The following PER2 variants were observed in gnomAD, a reference collection of about 807,000 sequenced individuals.
The protein encoded by PER2 is period circadian regulator 2.
PER2 carries 66 observed loss-of-function variants against 121.0 expected under a neutral mutation model. The ratio of observed to expected loss-of-function variants is 0.55; its 90% confidence interval spans 0.45 to 0.67. The LOEUF (loss-of-function observed/expected upper bound fraction) is 0.67, where lower values mean the gene tolerates loss of function less well. Among genes scored for constraint, PER2 ranks in the 30% least tolerant of loss-of-function variants. PER2 has a pLI of 0.00. For synonymous variants in PER2, 684 were observed against 659.9 expected (o/e 1.04, Z -0.56); for missense variants, 1,521 against 1,635.0 (o/e 0.93, Z 1.20).
upstream of PER2, among the ~76,000 whole-genome samples, chr2:238,293,767 A>AG (rs993185675): frequency 1.3e-4 from 19 of 151,960 alleles, no homozygotes; most frequent in Admixed American, 3.3e-4. Context: ...AAGAAAAAAA[A>AG]GAAAGAAAAA....
At position 238,257,017 on chromosome 2, in the gene PER2, G is replaced by T. The variant is rs760519574; in HGVS notation, c.1970C>A (p.Pro657Gln). ...CGACGCCACACTCTCTGCCTTGCCC[G>T]GCAGTGCCAGCGAGGTCAGGTGCGT... Reference protein sequence around the residue: ...VGTHLTSLALPGKAESVASLT... With the variant: ...VGTHLTSLALQGKAESVASLT... The change falls in exon 17 of 23, where the codon CCG becomes CAG. Residue 657 changes from proline (P) to glutamine (Q), a missense_variant. Pro to Gln is a moderately conservative substitution (Grantham distance 76). Coordinates refer to ENST00000254657, the MANE Select transcript of PER2 (RefSeq NM_022817.3). 2 of 1,613,554 alleles carry T rather than the reference G, an allele frequency of 1.2e-6. No homozygotes were observed. The highest frequency in any genetic ancestry group is 1.3e-5 in the African/African-American group (1 of 75,066).
chr2:238,293,473 T>C (rs1434348425), upstream of PER2, among the ~76,000 whole-genome samples: 6 of 151,954 alleles, frequency 3.9e-5, no homozygotes, highest in Non-Finnish European at 8.8e-5. Flanking sequence ...ATTAAGGCCA[T>C]TAAGAAAAAC....
In PER2 at chr2:238,268,922, C is replaced by T; in HGVS notation, c.824+1G>A. The T allele has an allele frequency of 6.2e-7, 1 of 1,608,414 alleles. No individual in the cohort carries two copies. The highest frequency in any genetic ancestry group is 1.1e-5 in the South Asian group (1 of 90,990). On this transcript the variant is annotated splice_donor_variant, in intron 7 of 22. Coordinates refer to ENST00000254657, the MANE Select transcript of PER2 (RefSeq NM_022817.3). LOFTEE classifies it high-confidence loss of function. This position sits in a 1 kb window ranked among gnomAD's most constrained non-coding sequence, Gnocchi z 4.0. ...TTAAGAAAACTGGGAACCAGGCTTA[C>T]CTGACACGGCAAAAGAAAGATTTCT...
rs1695665806 is a variant in PER2 at position 238,253,352 on chromosome 2, C to T, written c.2671G>A (p.Val891Ile). ...GGGGCAGGGAAAGGTGGGGGCTGGACTGCAAACTGGTGCTGGAGGTCCACG... is the reference window on the plus strand; with the variant it reads ...GGGGCAGGGAAAGGTGGGGGCTGGATTGCAAACTGGTGCTGGAGGTCCACG... ...VPVDLQHQFA[V>I]QPPPFPAPLA... The change falls in exon 19 of 23, where the codon GTC becomes ATC. Residue 891 changes from valine (V) to isoleucine (I), a missense_variant. Physicochemically the swap from Val to Ile is conservative, Grantham distance 29. Coordinates refer to ENST00000254657, the MANE Select transcript of PER2 (RefSeq NM_022817.3). The surrounding 1 kb of genome is among the most constrained non-coding windows in gnomAD (Gnocchi z 5.6). 6.2e-7 allele frequency: 1 copy of T among 1,613,568 alleles called. No individual in the cohort carries two copies. Among genetic ancestry groups the T allele is most frequent in the Non-Finnish European group, 8.5e-7 (1 of 1,179,722 alleles).
chr2:238,258,140 C>T (rs1230419222), intron 16 of PER2, 136 bp downstream of exon 16: 14 of 999,164 alleles, frequency 1.4e-5, no homozygotes, highest in Non-Finnish European at 2.2e-5. Flanking sequence ...AGGGTGCTGA[C>T]TTTTGAACTA....
At position 238,277,964 on chromosome 2, in the gene PER2, C is replaced by G; in HGVS notation, c.-19-9G>C. 1 of 1,609,688 alleles carries G rather than the reference C, an allele frequency of 6.2e-7. No individual in the cohort carries two copies. Among genetic ancestry groups the G allele is most frequent in the South Asian group, 1.1e-5 (1 of 90,536 alleles). On this transcript the variant is annotated splice_polypyrimidine_tract_variant and intron_variant, in intron 1 of 22. Coordinates refer to ENST00000254657, the MANE Select transcript of PER2 (RefSeq NM_022817.3). ...TGGGCTCTGGAACGAAGCTGGCAAACAGAGGGATGCTGTCACGCATTAACA... is the reference window on the plus strand; with the variant it reads ...TGGGCTCTGGAACGAAGCTGGCAAAGAGAGGGATGCTGTCACGCATTAACA...
At chr2:238,249,361 C>T (rs1695537574) in intron 21 of PER2, 149 bp from the exon 22 acceptor site, 3 of 728,880 alleles carry the variant, frequency 4.1e-6, no homozygotes, top group Non-Finnish European at 4.5e-6. Flanking sequence ...AACTTAATCT[C>T]CCTAGTAAAG....
chr2:238,271,587 G>T, intron 5 of PER2, 74 bp from the exon 6 acceptor site: 1 of 1,147,164 alleles, frequency 8.7e-7, no homozygotes, highest in Non-Finnish European at 1.3e-6. Context: ...AGGCAGGCAG[G>T]CTGGAGGGAG....
At position 238,262,990 on chromosome 2, in the gene PER2, G is replaced by C; in HGVS notation, c.1115C>G (p.Pro372Arg). 1 of 1,613,980 alleles carries C rather than the reference G, an allele frequency of 6.2e-7. No homozygotes were observed. ...GGCCAGCATCAAGGGCCTGTCACTAGGGTGGAGCTGCACGAGCACTGGGGT... is the reference window on the plus strand; with the variant it reads ...GGCCAGCATCAAGGGCCTGTCACTACGGTGGAGCTGCACGAGCACTGGGGT... Reference protein sequence around the residue: ...IETPVLVQLHPSDRPLMLAIH... With the variant: ...IETPVLVQLHRSDRPLMLAIH... The change falls in exon 10 of 23, where the codon CCT becomes CGT. Residue 372 changes from proline to arginine, a missense_variant. By Grantham distance (103) the Pro-to-Arg change is moderately radical (BLOSUM62 -2). Coordinates refer to ENST00000254657, the MANE Select transcript of PER2 (RefSeq NM_022817.3).
chr2:238,261,457 T>TA (rs775843894), intron 12 of PER2: 10 of 516,494 alleles, frequency 1.9e-5, no homozygotes, highest in Non-Finnish European at 3.5e-5. Flanking sequence ...GCAGCCTGTG[T>TA]CAGAGCACGG....
chr2:238,245,716 CTTT>C lies in PER2; in HGVS notation c.*656_*658del, dbSNP rs1695428936. On this transcript the variant is annotated 3_prime_UTR_variant, in exon 23 of 23. Transcript: ENST00000254657. ...GTTGGCCACACAAACCACTAGGCTTCTTTAGTCCAGAGCAAATGTTTCAACTTT... is the reference window on the plus strand; with the variant it reads ...GTTGGCCACACAAACCACTAGGCTTCAGTCCAGAGCAAATGTTTCAACTTT... 1.0e-5 allele frequency: 4 copies of C among 398,604 alleles called. No individual in the cohort carries two copies. In the East Asian group the frequency reaches 1.4e-4, roughly 14 times the overall value. The allele number at this position is 398,604 out of a possible 1,614,324, so 24.7% of individuals were successfully genotyped here.
At position 238,252,860 on chromosome 2, in the gene PER2, A is replaced by G. The variant is rs2106367209; in HGVS notation, c.3111+52T>C. On this transcript the variant is annotated intron_variant, in intron 19 of 22. Coordinates refer to ENST00000254657, the MANE Select transcript of PER2 (RefSeq NM_022817.3). The surrounding 1 kb of genome is among the most constrained non-coding windows in gnomAD (Gnocchi z 4.2). The stretch of plus-strand genomic sequence containing the variant: ...ACTGAGGATGTGCGGCCGGCCTGCC[A>G]GGTGTGCTGTTTGCTGCCTGCTTTG... 2 of 1,492,264 alleles carry G rather than the reference A, an allele frequency of 1.3e-6. No homozygotes were observed. The highest frequency in any genetic ancestry group is 2.3e-5 in the East Asian group (1 of 44,366). 92.4% of individuals were successfully genotyped at this position (1,492,264 alleles called of 1,614,324 possible).
chr2:238,277,819 C>T lies in PER2; in HGVS notation c.118G>A (p.Gly40Arg), dbSNP rs1574858567. 6.2e-7 allele frequency: 1 copy of T among 1,614,204 alleles called. No individual in the cohort carries two copies. The highest frequency in any genetic ancestry group is 8.5e-7 in the Non-Finnish European group (1 of 1,180,032). The change falls in exon 2 of 23, where the codon GGA becomes AGA. Residue 40 changes from glycine to arginine, a missense_variant. Physicochemically the swap from Gly to Arg is moderately radical, Grantham distance 125. Coordinates refer to ENST00000254657, the MANE Select transcript of PER2 (RefSeq NM_022817.3). ...EDVDMSSGSSGHETNENCSTG... is the reference protein window; with the variant it reads ...EDVDMSSGSSRHETNENCSTG... ...GAGCAGTTTTCGTTGGTCTCATGTC[C>T]ACTGGAGCCACTGCTCATGTCCACA...
In PER2 at chr2:238,260,889, A is replaced by C; in HGVS notation, c.1481T>G (p.Leu494Arg). Reference sequence around the variant, plus strand: ...GTCGCTGGAGGAGGTCTGGCTCATAAGGTGCTCGTGGGACCCGTTGCTGCC... The same window carrying C: ...GTCGCTGGAGGAGGTCTGGCTCATACGGTGCTCGTGGGACCCGTTGCTGCC... ...SLGSNGSHEH[L>R]MSQTSSSDSN... The change falls in exon 13 of 23, where the codon CTT (leucine) becomes CGT (arginine). Residue 494 changes from leucine (L) to arginine (R), a missense_variant. By Grantham distance (102) the Leu-to-Arg change is moderately radical. Coordinates refer to ENST00000254657, the MANE Select transcript of PER2 (RefSeq NM_022817.3). 1 of 1,613,910 alleles carries C rather than the reference A, an allele frequency of 6.2e-7. No individual in the cohort carries two copies. The highest frequency in any genetic ancestry group is 8.5e-7 in the Non-Finnish European group (1 of 1,180,016).
chr2:238,282,072 C>A (rs951475893), intron 1 of PER2, among the ~76,000 whole-genome samples: 4 of 152,210 alleles, frequency 2.6e-5, no homozygotes, highest in African/African-American at 7.2e-5. Context: ...TTAGCTTACG[C>A]CCGGCCCGTG....
rs570931405 is a variant in PER2, at chr2:238,244,235, T to C, written c.*2140A>G. The C allele has an allele frequency of 6.5e-6, 1 of 152,680 alleles. No individual in the cohort carries two copies. Among genetic ancestry groups the C allele is most frequent in the African/African-American group, 2.4e-5 (1 of 41,574 alleles). The allele number at this position is 152,680 out of a possible 1,614,324, so 9.5% of individuals were successfully genotyped here. ...GCTTATTTACATATCTCTTCGGGAATATATTAAAAAGAAGGCTCAGTTTAA... is the reference window on the plus strand; with the variant it reads ...GCTTATTTACATATCTCTTCGGGAACATATTAAAAAGAAGGCTCAGTTTAA... On this transcript the variant is annotated 3_prime_UTR_variant, in exon 23 of 23. Coordinates refer to ENST00000254657, the MANE Select transcript of PER2 (RefSeq NM_022817.3).
In PER2 at chr2:238,265,506, AC is replaced by A; in HGVS notation, c.1046+5del. ...ATGAAAAAGGGGGTGGGTCAAGACC[AC>A]GTACCTTTCATCCACATCCTGGAAC... is the stretch of plus-strand genomic sequence containing the variant. On this transcript the variant is annotated splice_donor_5th_base_variant and intron_variant, in intron 9 of 22. Transcript: ENST00000254657. 1.3e-6 allele frequency: 2 copies of A among 1,593,196 alleles called. No homozygotes were observed. The highest frequency in any genetic ancestry group is 1.7e-6 in the Non-Finnish European group (2 of 1,160,860).
At chr2:238,294,914 G>A (rs531221305), upstream of PER2, among the ~76,000 whole-genome samples, 34 of 152,308 alleles carry the variant, frequency 2.2e-4, no homozygotes, top group African/African-American at 7.2e-4. Context: ...ATATAACTCC[G>A]CTCTGAGTCC....
At chr2:238,279,135 T>C (rs1396642586) in intron 1 of PER2, among the ~76,000 whole-genome samples, 2 of 152,242 alleles carry the variant, frequency 1.3e-5, no homozygotes, top group East Asian at 3.9e-4. Context: ...CACCCAGTGA[T>C]GTCTCCCCAT....
Sources: allele counts gnomAD v4.1 joint callset (sites outside exome capture counted in the v4.1 genomes callset), GRCh38; gene constraint gnomAD v4.1.1; non-coding constraint Gnocchi (gnomAD v3.1); transcripts MANE v1.5; gene names NCBI Gene and HGNC (gene_info 2026-07-23, HGNC 2026-07-21).